Variants in ZC2HC1B observed in about 807,000 individuals in gnomAD.
ZC2HC1B encodes the protein zinc finger C2HC domain-containing protein 1B.
In ZC2HC1B, 36 loss-of-function variants were observed where a neutral mutation model predicts 31.0. The ratio of observed to expected loss-of-function variants is 1.16; its 90% CI spans 0.89 to 1.54. The LOEUF is 1.54. Among genes scored for constraint, ZC2HC1B ranks in the 40% most tolerant of loss-of-function variants. The probability of loss-of-function intolerance (pLI) is 0.00; values close to 1 mark genes in which losing one functional copy is unlikely to be tolerated. For missense variants in ZC2HC1B, 260 were observed against 268.6 expected, an observed-to-expected ratio of 0.97 and a Z score of 0.22; for synonymous variants, 73 against 88.0, an observed-to-expected ratio of 0.83 and a Z score of 0.95.
chr6:143,906,646 G>T (rs1252562687), intron 6 of ZC2HC1B, among the ~76,000 whole-genome samples: 4 of 151,676 alleles, frequency 2.6e-5, no homozygotes, highest in African/African-American at 9.7e-5. Flanking sequence ...GTTTTGCCAT[G>T]TTAGCTAGGC....
intron 4 of ZC2HC1B, among the ~76,000 whole-genome samples, chr6:143,898,071 C>T (rs1038235547): frequency 1.2e-4 from 18 of 152,178 alleles, no homozygotes; most frequent in Admixed American, 3.3e-4. Context: ...TTTTCCATGC[C>T]ATGTCCTTTA....
rs925089255 is a variant in ZC2HC1B, at chr6:143,903,997, C to T, written c.598+845C>T. 1.3e-5 allele frequency among the ~76,000 whole-genome samples: 2 copies of T among 152,146 alleles called. No individual in the cohort carries two copies. The highest frequency in any genetic ancestry group is 2.9e-5 in the Non-Finnish European group (2 of 68,026). On this transcript the variant is annotated intron_variant, in intron 6 of 7. Coordinates refer to ENST00000237275, the MANE Select transcript of ZC2HC1B (RefSeq NM_001013623.3). This position sits in a 1 kb window ranked among gnomAD's most constrained non-coding sequence, Gnocchi z 4.3. Reference sequence around the variant, plus strand: ...GAACAGAGGCTGACTGTAATTTCTTCAAAGTAGCAACAAGGCAGAACCATA... The same window carrying T: ...GAACAGAGGCTGACTGTAATTTCTTTAAAGTAGCAACAAGGCAGAACCATA...
intron 1 of ZC2HC1B, among the ~76,000 whole-genome samples, chr6:143,877,272 C>CTTTTTTTTTTT (rs34994479): frequency 2.6e-4 from 11 of 42,594 alleles, no homozygotes; most frequent in African/African-American, 8.4e-4. Context: ...TTTTTAATTT[C>CTTTTTTTTTTT]TTTTTTTTTT....
chr6:143,909,278 TC>T (rs1327046919), intron 6 of ZC2HC1B, among the ~76,000 whole-genome samples: 1 of 151,996 alleles, frequency 6.6e-6, no homozygotes, highest in Middle Eastern at 3.2e-3. Flanking sequence ...GCTCCTGTAA[TC>T]CCAGCTACTC....
chr6:143,864,865 T>C (rs1777236741), intron 1 of ZC2HC1B, among the ~76,000 whole-genome samples: 1 of 152,216 alleles, frequency 6.6e-6, no homozygotes, highest in Admixed American at 6.5e-5. Flanking sequence ...TATGTCAATA[T>C]TGAGAATGTA....
chr6:143,893,564 C>G (rs1015709592), intron 4 of ZC2HC1B, among the ~76,000 whole-genome samples: 3 of 151,958 alleles, frequency 2.0e-5, no homozygotes, highest in African/African-American at 4.8e-5. Flanking sequence ...GAGACTGTCT[C>G]AAAAAACAAA....
chr6:143,926,056 T>C (rs1298815400), intron 6 of ZC2HC1B, among the ~76,000 whole-genome samples: 1 of 152,170 alleles, frequency 6.6e-6, no homozygotes, highest in African/African-American at 2.4e-5. Context: ...TTTGTTTATC[T>C]TTTCAAAAAA....
Position 143,899,584 on chromosome 6 carries a change from T to C in ZC2HC1B, c.489+893T>C, listed in dbSNP as rs1271402254. ...TAGAGATGGGGTCTCACTGTGTTGC[T>C]CAGGCTGGTCTCAAACTCCTGGGCC... On this transcript the variant is annotated intron_variant, in intron 5 of 7. Coordinates refer to ENST00000237275, the MANE Select transcript of ZC2HC1B (RefSeq NM_001013623.3). The surrounding 1 kb of genome is among the most constrained non-coding windows in gnomAD (Gnocchi z 5.0). Among the ~76,000 whole-genome samples the C allele has an allele frequency of 6.6e-6, 1 of 152,164 alleles. No homozygotes were observed. The highest frequency in any genetic ancestry group is 1.9e-4 in the East Asian group (1 of 5,182).
At chr6:143,925,982 T>C (rs1189246284) in intron 6 of ZC2HC1B, among the ~76,000 whole-genome samples, 1 of 152,240 alleles carries the variant, frequency 6.6e-6, no homozygotes, top group African/African-American at 2.4e-5. Flanking sequence ...TTTTTGTTTG[T>C]GATTTTGCTA....
intron 6 of ZC2HC1B, among the ~76,000 whole-genome samples, chr6:143,925,384 C>T (rs1314074716): frequency 6.6e-6 from 1 of 151,458 alleles, no homozygotes; most frequent in African/African-American, 2.4e-5. Flanking sequence ...ACTTTGTTAG[C>T]CAGGATGGTC....
intron 6 of ZC2HC1B, among the ~76,000 whole-genome samples, chr6:143,926,896 C>T (rs1390783824): frequency 2.2e-5 from 3 of 138,996 alleles, no homozygotes; most frequent in Admixed American, 1.4e-4. Context: ...CTGCAAGCTC[C>T]GCTTCCCGGG....
At chr6:143,928,486 C>T (rs1318926679) in intron 6 of ZC2HC1B, among the ~76,000 whole-genome samples, 1 of 152,090 alleles carries the variant, frequency 6.6e-6, no homozygotes, top group Non-Finnish European at 1.5e-5. Context: ...TATGTTTATA[C>T]CAGTACCATG....
At position 143,924,769 on chromosome 6, in the gene ZC2HC1B, A is replaced by G. The variant is rs74982528; in HGVS notation, c.599-12880A>G. 0.031 allele frequency among the ~76,000 whole-genome samples: 4,654 copies of G among 152,266 alleles called. 204 individuals are homozygous for G. The highest frequency in any genetic ancestry group is 0.091 in the African/African-American group (3,792 of 41,540). On this transcript the variant is annotated intron_variant, in intron 6 of 7. Transcript: ENST00000237275. The surrounding 1 kb of genome is among the most constrained non-coding windows in gnomAD (Gnocchi z 5.2). ...CTTTTCTCTGTCTCTTGAAATGATC[A>G]TATTGTTTTTGTCTTTCATTCTGTT... is the stretch of plus-strand genomic sequence containing the variant.
intron 6 of ZC2HC1B, among the ~76,000 whole-genome samples, chr6:143,920,736 C>T (rs567367557): frequency 9.2e-5 from 14 of 151,910 alleles, no homozygotes; most frequent in African/African-American, 3.1e-4. Context: ...GGTGAAACCC[C>T]GTCTCTACTA....
In ZC2HC1B at chr6:143,883,651, T is replaced by C. The variant is rs992808976; in HGVS notation, c.29-653T>C. 6.6e-6 allele frequency among the ~76,000 whole-genome samples: 1 copy of C among 152,198 alleles called. No homozygotes were observed. Among genetic ancestry groups the C allele is most frequent in the Admixed American group, 6.5e-5 (1 of 15,278 alleles). ...TAATACAAAAAACCTTTTTTCAGAATTTCATAATATTTTGCTTTTCTCATG... is the reference window on the plus strand; with the variant it reads ...TAATACAAAAAACCTTTTTTCAGAACTTCATAATATTTTGCTTTTCTCATG... On this transcript the variant is annotated intron_variant, in intron 1 of 7. Coordinates refer to ENST00000237275, the MANE Select transcript of ZC2HC1B (RefSeq NM_001013623.3). This position sits in a 1 kb window ranked among gnomAD's most constrained non-coding sequence, Gnocchi z 4.1.
intron 1 of ZC2HC1B, among the ~76,000 whole-genome samples, chr6:143,877,272 C>CTTTTTTTTTTTTTT (rs34994479): frequency 7.0e-5 from 3 of 42,594 alleles, no homozygotes; most frequent in African/African-American, 2.4e-4. Context: ...TTTTTAATTT[C>CTTTTTTTTTTTTTT]TTTTTTTTTT....
At chr6:143,875,173 G>C (rs1183570727) in intron 1 of ZC2HC1B, among the ~76,000 whole-genome samples, 4 of 152,172 alleles carry the variant, frequency 2.6e-5, no homozygotes, top group Non-Finnish European at 5.9e-5. Flanking sequence ...TTGAGTGACT[G>C]TGTATCCCAC....
Position 143,895,912 on chromosome 6 carries a change from CATT to C in ZC2HC1B, c.350-2636_350-2634del, listed in dbSNP as rs1777659832. ...ATAGGACATGGTGATTTTATGAAAACATTATTGATAGAGGAAGAGAGGTGACTC... is the reference window on the plus strand; with the variant it reads ...ATAGGACATGGTGATTTTATGAAAACATTGATAGAGGAAGAGAGGTGACTC... On this transcript the variant is annotated intron_variant, in intron 4 of 7. Coordinates refer to ENST00000237275, the MANE Select transcript of ZC2HC1B (RefSeq NM_001013623.3). The surrounding 1 kb of genome is among the most constrained non-coding windows in gnomAD (Gnocchi z 4.8). Among the ~76,000 whole-genome samples the C allele has an allele frequency of 2.6e-5, 4 of 152,128 alleles. No individual in the cohort carries two copies. The highest frequency in any genetic ancestry group is 2.6e-4 in the Admixed American group (4 of 15,272).
chr6:143,906,787 C>G (rs1446394129), intron 6 of ZC2HC1B, among the ~76,000 whole-genome samples: 4 of 149,248 alleles, frequency 2.7e-5, no homozygotes, highest in African/African-American at 9.9e-5. Flanking sequence ...TAATGGTTTT[C>G]TTTTCATTTT....
Sources: gnomAD v4.1 joint callset for allele counts (sites outside exome capture counted in the v4.1 genomes callset) on GRCh38, gnomAD v4.1.1 for gene constraint, Gnocchi (gnomAD v3.1) non-coding constraint, MANE v1.5 for transcripts, NCBI Gene and HGNC (gene_info 2026-07-23, HGNC 2026-07-21) for gene names.